The following PSMA2 variants were observed in gnomAD, a reference collection of about 807,000 sequenced individuals.
PSMA2 encodes proteasome 20S subunit alpha 2, also known as proteasome subunit alpha type-2.
PSMA2 carries 2 observed loss-of-function variants against 35.9 expected under a neutral mutation model. That is an observed-to-expected ratio of 0.06 (90% CI 0.02 to 0.18). The LOEUF (loss-of-function observed/expected upper bound fraction) is 0.18. PSMA2 is among the 10% of genes least tolerant of loss of function. PSMA2 has a pLI of 1.00. For synonymous variants in PSMA2, 97 were observed against 98.2 expected, an observed-to-expected ratio of 0.99 and a Z score of 0.07; for missense variants, 126 against 278.8, an observed-to-expected ratio of 0.45 and a Z score of 3.90.
rs1786134184 is a variant in PSMA2 at position 42,921,879 on chromosome 7, C to T, written c.509G>A (p.Gly170Glu). Residue 170 changes from glycine (G) to glutamate (E), a missense_variant, in exon 6 of 8, where the codon GGG becomes GAG. Transcript: ENST00000223321. ...ATAMGKNYVN[G>E]KTFLEKRYNE... is the part of the protein sequence containing the mutation. ...CTACCTTTTCTCAAGGAAAGTCTTC[C>T]CATTCACATAGTTCTTTCCCATTGC... The T allele has an allele frequency of 6.2e-7, 1 of 1,612,172 alleles. No homozygotes were observed. Among genetic ancestry groups the T allele is most frequent in the Admixed American group, 1.7e-5 (1 of 59,962 alleles).
chr7:42,927,280 A>C, intron 2 of PSMA2, 103 bp downstream of exon 2: 2 of 1,052,624 alleles, frequency 1.9e-6, no homozygotes, highest in Non-Finnish European at 2.8e-6. Flanking sequence ...AAATTGTTAA[A>C]AATTATACTG....
At chr7:42,920,656 AT>A (rs1236238087) in intron 6 of PSMA2, 2 of 152,348 alleles carry the variant, frequency 1.3e-5, no homozygotes, top group East Asian at 3.9e-4. Context: ...TGGAAGACTC[AT>A]TAATATATAA....
At chr7:42,920,044 G>A (rs945742111) in intron 6 of PSMA2, 2 of 661,020 alleles carry the variant, frequency 3.0e-6, no homozygotes, top group Admixed American at 3.9e-5. Flanking sequence ...AATTGCTTCA[G>A]AGAATTCAGA....
At chr7:42,931,888 T>C (rs373963027) in intron 1 of PSMA2, among the ~76,000 whole-genome samples, 109 of 95,320 alleles carry the variant, frequency 1.1e-3, no homozygotes, top group African/African-American at 4.0e-3. Context: ...CGCAGCCCCA[T>C]GTTAACCCCG....
Position 42,917,561 on chromosome 7 carries a change from A to C in PSMA2, c.*13T>G, listed in dbSNP as rs756181205. ...GATTATCTGAAATTCTGGATTTTTC[A>C]GTCACTTCATTGTTATGCTATGGCA... On this transcript the variant is annotated 3_prime_UTR_variant, in exon 8 of 8. Coordinates refer to ENST00000223321, the MANE Select transcript of PSMA2 (RefSeq NM_002787.5). The C allele has an allele frequency of 2.6e-5, 41 of 1,581,176 alleles. 1 individual carries two copies. The East Asian group carries it at 8.5e-4, about 33-fold the overall frequency.
At chr7:42,923,075 C>T (rs1786151756) in intron 5 of PSMA2, among the ~76,000 whole-genome samples, 1 of 152,124 alleles carries the variant, frequency 6.6e-6, no homozygotes, top group Non-Finnish European at 1.5e-5. Context: ...ACTATTTCAA[C>T]AAATCACCCA....
At position 42,924,725 on chromosome 7, in the gene PSMA2, A is replaced by C; in HGVS notation, c.324T>G (p.Ala108=). 6.2e-7 allele frequency: 1 copy of C among 1,613,528 alleles called. No homozygotes were observed. The highest frequency in any genetic ancestry group is 8.5e-7 in the Non-Finnish European group (1 of 1,179,598). ...CAGAAGCTACTCTCTGTACCAGCTG[A>C]GCTGTAGGAATGGGTTCTTGGTACA... The part of the protein sequence containing the change: ...YLVYQEPIPT[A]QLVQRVASVM... Residue 108 remains alanine (A), a synonymous_variant, in exon 4 of 8, where the codon GCT becomes GCG. Transcript: ENST00000223321.
intron 1 of PSMA2, among the ~76,000 whole-genome samples, chr7:42,927,864 C>T (rs2128674724): frequency 6.6e-6 from 1 of 151,108 alleles, no homozygotes; most frequent in South Asian, 2.1e-4. Flanking sequence ...CAAGATTGCA[C>T]CATTGCACTC....
intron 6 of PSMA2, chr7:42,921,502 T>G (rs1054655789): frequency 1.8e-5 from 3 of 164,092 alleles, no homozygotes; most frequent in Non-Finnish European, 3.9e-5. Flanking sequence ...TAAACTGTTA[T>G]CATTAAATCA....
At chr7:42,923,718 C>A (rs1263950180) in intron 4 of PSMA2, among the ~76,000 whole-genome samples, 5 of 152,172 alleles carry the variant, frequency 3.3e-5, no homozygotes, top group African/African-American at 4.8e-5. Flanking sequence ...GCAGCTTTTC[C>A]ACTAGGTTTA....
chr7:42,931,144 A>T (rs777136886), intron 1 of PSMA2: 11 of 454,784 alleles, frequency 2.4e-5, no homozygotes, highest in South Asian at 1.6e-4. Context: ...CGGTTAGTTC[A>T]TCTGTAAGAA....
chr7:42,923,466 A>G, intron 4 of PSMA2, 60 bp from the exon 5 acceptor site: 1 of 1,316,572 alleles, frequency 7.6e-7, no homozygotes, highest in Non-Finnish European at 1.1e-6. Flanking sequence ...CATCCTCAAG[A>G]ATTTATCAGT....
At chr7:42,927,536 G>C in intron 1 of PSMA2, 77 bp from the exon 2 acceptor site, 1 of 1,393,938 alleles carries the variant, frequency 7.2e-7, no homozygotes, top group Non-Finnish European at 1.0e-6. Flanking sequence ...AGATAGTACA[G>C]ACATACAGGT....
chr7:42,927,819 T>C (rs1786236591), intron 1 of PSMA2, among the ~76,000 whole-genome samples: 2 of 151,920 alleles, frequency 1.3e-5, no homozygotes, highest in South Asian at 2.1e-4. Flanking sequence ...GGCAGGAGAA[T>C]TGCTTGAATC....
chr7:42,924,353 CAAAAAAAA>C (rs58198756), intron 4 of PSMA2, among the ~76,000 whole-genome samples: 7 of 69,416 alleles, frequency 1.0e-4, no homozygotes, highest in East Asian at 4.6e-4. Flanking sequence ...GACTCTGACT[CAAAAAAAA>C]AAAAAAAAAA....
intron 1 of PSMA2, among the ~76,000 whole-genome samples, chr7:42,931,604 G>T (rs1404094191): frequency 1.3e-5 from 2 of 152,002 alleles, no homozygotes; most frequent in African/African-American, 4.8e-5. Flanking sequence ...TTCGTGCATC[G>T]AAGAAACCGA....
At position 42,917,385 on chromosome 7, in the gene PSMA2, T is replaced by C; in HGVS notation, c.*189A>G. On this transcript the variant is annotated 3_prime_UTR_variant, in exon 8 of 8. Coordinates refer to ENST00000223321, the MANE Select transcript of PSMA2 (RefSeq NM_002787.5). ...AAAAGCAGGAAATAACTGTTAAAATTTTAGCAACTCCTAAAAGGCTGGAAG... is the reference window on the plus strand; with the variant it reads ...AAAAGCAGGAAATAACTGTTAAAATCTTAGCAACTCCTAAAAGGCTGGAAG... 2.1e-6 allele frequency: 1 copy of C among 486,074 alleles called. No homozygotes were observed. Among genetic ancestry groups the C allele is most frequent in the South Asian group, 3.4e-5 (1 of 29,196 alleles). 30.1% of individuals were successfully genotyped at this position (486,074 alleles called of 1,614,324 possible).
intron 4 of PSMA2, among the ~76,000 whole-genome samples, chr7:42,924,402 T>G (rs537834692): frequency 6.6e-6 from 1 of 150,596 alleles, no homozygotes; most frequent in South Asian, 2.1e-4. Flanking sequence ...GTTGCAATGA[T>G]TGTCTGTCCA....
intron 6 of PSMA2, 140 bp from the exon 7 acceptor site, chr7:42,917,975 CT>C: frequency 1.8e-6 from 1 of 570,302 alleles, no homozygotes; most frequent in East Asian, 3.0e-5. Context: ...TAATCACCTC[CT>C]TGTAGCTGTC....
Sources: gnomAD v4.1 joint callset for allele counts (sites outside exome capture counted in the v4.1 genomes callset) on GRCh38, gnomAD v4.1.1 for gene constraint, MANE v1.5 for transcripts, NCBI Gene and HGNC (gene_info 2026-07-23, HGNC 2026-07-21) for gene names.